AKT3: variants seen among roughly 807,000 people sequenced by gnomAD.
AKT3 encodes RAC-gamma serine/threonine-protein kinase.
A neutral mutation model predicts 65.3 loss-of-function variants in AKT3; 15 were observed. The ratio of observed to expected loss-of-function variants is 0.23; its 90% CI spans 0.15 to 0.35. The LOEUF is 0.35. AKT3 is among the 10% of genes least tolerant of loss of function. The probability of loss-of-function intolerance (pLI) is 1.00; values close to 1 mark genes in which losing one functional copy is unlikely to be tolerated. For synonymous variants in AKT3, 206 were observed against 183.8 expected, an observed-to-expected ratio of 1.12 and a Z score of -0.98; for missense variants, 243 against 576.5, an observed-to-expected ratio of 0.42 and a Z score of 5.92.
At chr1:243,597,034 G>A (rs765148315) in intron 8 of AKT3, among the ~76,000 whole-genome samples, 1 of 152,134 alleles carries the variant, frequency 6.6e-6, no homozygotes, top group African/African-American at 2.4e-5. Flanking sequence ...GGCTACCTAG[G>A]GCCACGTGTG....
At chr1:243,677,824 T>C (rs1241862502) in intron 3 of AKT3, among the ~76,000 whole-genome samples, 1 of 152,154 alleles carries the variant, frequency 6.6e-6, no homozygotes, top group Non-Finnish European at 1.5e-5. Flanking sequence ...CGGTGGCTCA[T>C]GCCTGTAATC....
At chr1:243,569,244 G>A (rs928752631) in intron 9 of AKT3, among the ~76,000 whole-genome samples, 11 of 152,290 alleles carry the variant, frequency 7.2e-5, no homozygotes, top group African/African-American at 1.9e-4. Flanking sequence ...AAAGAAAAAC[G>A]TTTCTTCACT....
At position 243,684,401 on chromosome 1, in the gene AKT3, T is replaced by C. The variant is rs1381292506; in HGVS notation, c.172+11190A>G. ...CAACTCCCACTTATGAATGAGAACA[T>C]GCGGTGTTTGGTTATCTGTTCCTGT... On this transcript the variant is annotated intron_variant, in intron 3 of 13. Coordinates refer to ENST00000673466, the MANE Select transcript of AKT3 (RefSeq NM_005465.7). Among the ~76,000 whole-genome samples, 3 of 152,094 alleles carry C rather than the reference T, an allele frequency of 2.0e-5. No individual in the cohort carries two copies. In the East Asian group the frequency reaches 5.8e-4, roughly 29 times the overall value.
chr1:243,533,096 T>G (rs1671656176), intron 12 of AKT3, among the ~76,000 whole-genome samples: 1 of 152,258 alleles, frequency 6.6e-6, no homozygotes, highest in Admixed American at 6.5e-5. Flanking sequence ...AATAACCAAC[T>G]TTCGGTTTCG....
At chr1:243,644,062 AAAGTT>A (rs2147839057) in intron 5 of AKT3, among the ~76,000 whole-genome samples, 1 of 152,332 alleles carries the variant, frequency 6.6e-6, no homozygotes, top group South Asian at 2.1e-4. Context: ...TTATTTCAAA[AAAGTT>A]AACAGAACTT....
intron 8 of AKT3, among the ~76,000 whole-genome samples, chr1:243,586,955 A>G (rs1040938985): frequency 7.2e-5 from 11 of 152,218 alleles, no homozygotes; most frequent in Admixed American, 2.6e-4. Context: ...TAGCAAAGAT[A>G]GAAATAAAAT....
intron 2 of AKT3, among the ~76,000 whole-genome samples, chr1:243,826,472 C>G (rs1389981665): frequency 3.3e-5 from 5 of 152,180 alleles, no homozygotes; most frequent in African/African-American, 9.7e-5. Context: ...TAACCCAGTT[C>G]TGGAAAAGTA....
At chr1:243,520,285 A>G (rs1341590732) in intron 12 of AKT3, among the ~76,000 whole-genome samples, 1 of 152,248 alleles carries the variant, frequency 6.6e-6, no homozygotes, top group Non-Finnish European at 1.5e-5. Context: ...CAGGGAAAAG[A>G]CGGCCATCTG....
chr1:243,632,038 C>A (rs756024186), intron 6 of AKT3, among the ~76,000 whole-genome samples: 1 of 152,126 alleles, frequency 6.6e-6, no homozygotes, highest in Non-Finnish European at 1.5e-5. Context: ...CTTACACACT[C>A]CTATTAATGT....
At chr1:243,664,451 G>T (rs945997647) in intron 4 of AKT3, among the ~76,000 whole-genome samples, 4 of 151,738 alleles carry the variant, frequency 2.6e-5, no homozygotes, top group African/African-American at 9.7e-5. Context: ...TGATCCACCT[G>T]CCTCAGCCTC....
At chr1:243,678,794 T>C (rs944588183) in intron 3 of AKT3, among the ~76,000 whole-genome samples, 12 of 152,240 alleles carry the variant, frequency 7.9e-5, no homozygotes, top group African/African-American at 2.2e-4. Flanking sequence ...TGGATGTTGG[T>C]TGTTTATGAA....
In AKT3 at chr1:243,802,989, A is replaced by C. The variant is rs1192055144; in HGVS notation, c.46+40136T>G. Among the ~76,000 whole-genome samples the C allele has an allele frequency of 2.0e-5, 3 of 152,074 alleles. No homozygotes were observed. The East Asian group carries it at 5.8e-4, about 29-fold the overall frequency. ...CACAGCAAGACCCCATCTCTACAAA[A>C]AAATTAAAAATTAGCAGGCATGGTT... On this transcript the variant is annotated intron_variant, in intron 2 of 13. Coordinates refer to ENST00000673466, the MANE Select transcript of AKT3 (RefSeq NM_005465.7).
At position 243,832,545 on chromosome 1, in the gene AKT3, T is replaced by C. The variant is rs888373650; in HGVS notation, c.46+10580A>G. 7.2e-5 allele frequency among the ~76,000 whole-genome samples: 11 copies of C among 152,104 alleles called. No homozygotes were observed. In the East Asian group the frequency reaches 1.9e-3, roughly 27 times the overall value. On this transcript the variant is annotated intron_variant, in intron 2 of 13. Transcript: ENST00000673466. ...CTGTATAAAATATAAAGAATGACAA[T>C]TTGAAGGCAGTAGAAAAGCTGCAAA...
chr1:243,536,483 G>T (rs1671941132), intron 12 of AKT3, among the ~76,000 whole-genome samples: 1 of 152,136 alleles, frequency 6.6e-6, no homozygotes, highest in Non-Finnish European at 1.5e-5. Context: ...TGCTACACAT[G>T]ATCTACTTAT....
At chr1:243,662,601 A>T (rs1682451728) in intron 4 of AKT3, among the ~76,000 whole-genome samples, 2 of 151,040 alleles carry the variant, frequency 1.3e-5, no homozygotes. Context: ...GATATATCTA[A>T]TGCTAGATGA....
chr1:243,614,965 T>C (rs914298715), intron 7 of AKT3, 131 bp downstream of exon 7: 9 of 684,770 alleles, frequency 1.3e-5, no homozygotes, highest in African/African-American at 5.5e-5. Flanking sequence ...TATAAGAAAT[T>C]TGACTTACGT....
intron 2 of AKT3, among the ~76,000 whole-genome samples, chr1:243,824,402 T>G (rs971405547): frequency 6.6e-6 from 1 of 152,028 alleles, no homozygotes; most frequent in Admixed American, 6.6e-5. Context: ...AAGCAAAAAT[T>G]GACGACTGGG....
At chr1:243,830,199 T>C (rs1572420422) in intron 2 of AKT3, among the ~76,000 whole-genome samples, 1 of 152,190 alleles carries the variant, frequency 6.6e-6, no homozygotes, top group African/African-American at 2.4e-5. Context: ...ACATAGAATC[T>C]TTACATGGCA....
In AKT3 at chr1:243,633,504, G is replaced by C. The variant is rs1679756968; in HGVS notation, c.561+4107C>G. Among the ~76,000 whole-genome samples, 3 of 152,104 alleles carry C rather than the reference G, an allele frequency of 2.0e-5. No homozygotes were observed. In the South Asian group the frequency reaches 6.2e-4, roughly 32 times the overall value. On this transcript the variant is annotated intron_variant, in intron 6 of 13. Transcript: ENST00000673466. ...ATTTAAAGACACCAACAATTGAAAG[G>C]AGTAAGGACAGAATTGTAAAGAAGT...
Sources: allele counts gnomAD v4.1 joint callset (sites outside exome capture counted in the v4.1 genomes callset), GRCh38; gene constraint gnomAD v4.1.1; transcripts MANE v1.5; gene names NCBI Gene and HGNC (gene_info 2026-07-23, HGNC 2026-07-21).